The following NCKAP5 variants were observed in gnomAD, a reference collection of about 807,000 sequenced individuals.
The protein encoded by NCKAP5 is nck-associated protein 5.
Under a neutral mutation model 167.0 loss-of-function variants are expected in NCKAP5, and 92 were observed. The observed-to-expected ratio is 0.55, with a 90% CI of 0.47 to 0.66. NCKAP5 has a LOEUF of 0.66. NCKAP5 is among the 30% of genes least tolerant of loss of function. The probability of loss-of-function intolerance (pLI) is 0.00; values close to 1 mark genes in which losing one functional copy is unlikely to be tolerated. For missense variants in NCKAP5, 2,378 were observed against 2,315.0 expected, an observed-to-expected ratio of 1.03 and a Z score of -0.56; for synonymous variants, 891 against 877.4, an observed-to-expected ratio of 1.02 and a Z score of -0.27.
chr2:133,389,577 T>C (rs897788054), intron 3 of NCKAP5, among the ~76,000 whole-genome samples: 1 of 152,238 alleles, frequency 6.6e-6, no homozygotes, highest in African/African-American at 2.4e-5. Flanking sequence ...CTCTATATCA[T>C]AGTCTTGAAG....
At chr2:132,897,436 T>A (rs1693292275) in intron 8 of NCKAP5, among the ~76,000 whole-genome samples, 1 of 152,172 alleles carries the variant, frequency 6.6e-6, no homozygotes, top group African/African-American at 2.4e-5. Context: ...AATGCTAGAG[T>A]GTGTATGCAG....
At chr2:133,130,229 C>T (rs2082553300) in intron 5 of NCKAP5, 118 bp from the exon 6 acceptor site, 2 of 1,127,026 alleles carry the variant, frequency 1.8e-6, no homozygotes, top group African/African-American at 1.6e-5. Context: ...CTTTGAACAA[C>T]CCCACGAAGT....
intron 3 of NCKAP5, among the ~76,000 whole-genome samples, chr2:133,459,456 C>T (rs962533361): frequency 1.3e-5 from 2 of 152,158 alleles, no homozygotes; most frequent in South Asian, 2.1e-4. Context: ...AGAGGAGGCT[C>T]ATTTAGTCCA....
chr2:133,042,893 T>G (rs1194492379), intron 6 of NCKAP5, among the ~76,000 whole-genome samples: 3 of 152,218 alleles, frequency 2.0e-5, no homozygotes, highest in Non-Finnish European at 4.4e-5. Flanking sequence ...TGTACACAGA[T>G]ATAAATAATT....
At chr2:133,383,083 T>C (rs530830003) in intron 3 of NCKAP5, among the ~76,000 whole-genome samples, 8 of 152,298 alleles carry the variant, frequency 5.3e-5, no homozygotes, top group Admixed American at 5.2e-4. Context: ...TTTTTTATTA[T>C]ACTTTAAGTT....
intron 2 of NCKAP5, among the ~76,000 whole-genome samples, chr2:133,548,661 C>T (rs373157523): frequency 2.6e-5 from 4 of 151,656 alleles, no homozygotes; most frequent in Non-Finnish European, 4.4e-5. Flanking sequence ...TAAAATACTT[C>T]ACAGACAAGC....
chr2:133,331,394 A>C (rs1289041086), intron 3 of NCKAP5, among the ~76,000 whole-genome samples: 1 of 152,226 alleles, frequency 6.6e-6, no homozygotes, highest in African/African-American at 2.4e-5. Flanking sequence ...TCTGTCAATT[A>C]GCATTTTCAT....
chr2:132,808,737 C>A (rs970659525), intron 11 of NCKAP5, among the ~76,000 whole-genome samples: 1 of 151,762 alleles, frequency 6.6e-6, no homozygotes, highest in Non-Finnish European at 1.5e-5. Flanking sequence ...ATCTTTTCAT[C>A]TTTTGTATTT....
At chr2:133,001,071 A>G (rs2077760635) in intron 6 of NCKAP5, among the ~76,000 whole-genome samples, 1 of 152,116 alleles carries the variant, frequency 6.6e-6, no homozygotes, top group African/African-American at 2.4e-5. Context: ...GGTTATATGC[A>G]TTTGTTGGAA....
intron 4 of NCKAP5, among the ~76,000 whole-genome samples, chr2:133,225,929 C>T (rs1197651591): frequency 6.6e-6 from 1 of 151,522 alleles, no homozygotes; most frequent in African/African-American, 2.4e-5. Context: ...ACTACAGGCA[C>T]GTGCCACCAC....
At chr2:133,169,940 C>G (rs1306666943) in intron 5 of NCKAP5, among the ~76,000 whole-genome samples, 3 of 152,054 alleles carry the variant, frequency 2.0e-5, no homozygotes, top group Admixed American at 6.5e-5. Flanking sequence ...ACAAACAGAC[C>G]AATAGACACA....
chr2:132,746,961 G>T (rs1414914235), intron 16 of NCKAP5, among the ~76,000 whole-genome samples: 1 of 152,104 alleles, frequency 6.6e-6, no homozygotes, highest in Non-Finnish European at 1.5e-5. Flanking sequence ...TTCCCTGGGA[G>T]CAGTGGTATT....
At chr2:132,779,798 A>G (rs1033098498) in intron 15 of NCKAP5, among the ~76,000 whole-genome samples, 3 of 152,204 alleles carry the variant, frequency 2.0e-5, no homozygotes, top group Non-Finnish European at 4.4e-5. Context: ...ATAATTAATA[A>G]CTAATAATGT....
At chr2:133,329,384 G>C (rs1472666928) in intron 3 of NCKAP5, among the ~76,000 whole-genome samples, 2 of 152,174 alleles carry the variant, frequency 1.3e-5, no homozygotes, top group Admixed American at 1.3e-4. Context: ...CAGGTTTCCA[G>C]TTGGCCTAGC....
At chr2:133,246,276 G>C (rs1185003076) in intron 4 of NCKAP5, among the ~76,000 whole-genome samples, 1 of 151,558 alleles carries the variant, frequency 6.6e-6, no homozygotes, top group African/African-American at 2.4e-5. Flanking sequence ...AAAAATCACT[G>C]TCTATCCTCA....
intron 3 of NCKAP5, among the ~76,000 whole-genome samples, chr2:133,340,678 T>C (rs1683517390): frequency 6.6e-6 from 1 of 152,190 alleles, no homozygotes; most frequent in Admixed American, 6.5e-5. Flanking sequence ...TAATCCTTGA[T>C]GCACCTAACT....
chr2:132,985,880 T>G (rs921763557), intron 7 of NCKAP5, among the ~76,000 whole-genome samples: 4 of 152,146 alleles, frequency 2.6e-5, no homozygotes, highest in African/African-American at 9.7e-5. Flanking sequence ...AAATAAAAGC[T>G]CTCAATAAAA....
intron 3 of NCKAP5, among the ~76,000 whole-genome samples, chr2:133,470,084 G>A (rs955684640): frequency 2.6e-5 from 4 of 151,872 alleles, no homozygotes; most frequent in Admixed American, 1.3e-4. Context: ...GAGGAGAGGT[G>A]CTCTGCTTTT....
At chr2:133,471,158 T>C (rs1430435826) in intron 3 of NCKAP5, among the ~76,000 whole-genome samples, 58 of 152,206 alleles carry the variant, frequency 3.8e-4, no homozygotes, top group Non-Finnish European at 4.4e-5. Context: ...GTCAGCTCTT[T>C]AATTTTTTTT....
Sources: gnomAD v4.1 joint callset for allele counts (sites outside exome capture counted in the v4.1 genomes callset) on GRCh38, gnomAD v4.1.1 for gene constraint, MANE v1.5 for transcripts, NCBI Gene and HGNC (gene_info 2026-07-23, HGNC 2026-07-21) for gene names.